Variants in CECR2 observed in about 807,000 individuals in gnomAD.
The protein encoded by CECR2 is chromatin remodeling regulator CECR2.
Under a neutral mutation model 154.5 loss-of-function variants are expected in CECR2, and 30 were observed. The observed-to-expected ratio is 0.19, with a 90% CI of 0.15 to 0.26. The LOEUF (loss-of-function observed/expected upper bound fraction) is 0.26, where lower values mean the gene tolerates loss of function less well. Among genes scored for constraint, CECR2 ranks in the 10% least tolerant of loss-of-function variants. The probability of loss-of-function intolerance (pLI) is 1.00; values close to 1 mark genes in which losing one functional copy is unlikely to be tolerated. For synonymous variants in CECR2, 725 were observed against 683.7 expected, an observed-to-expected ratio of 1.06 and a Z score of -0.94; for missense variants, 1,743 against 1,829.3, an observed-to-expected ratio of 0.95 and a Z score of 0.86.
At chr22:17,507,363 ATT>A (rs1459206467) in intron 7 of CECR2, among the ~76,000 whole-genome samples, 3 of 152,222 alleles carry the variant, frequency 2.0e-5, no homozygotes, top group African/African-American at 7.2e-5. Context: ...GTGATCAGCA[ATT>A]CACTGCAACA....
At chr22:17,547,269 G>A (rs1476172294) in intron 16 of CECR2, among the ~76,000 whole-genome samples, 2 of 150,294 alleles carry the variant, frequency 1.3e-5, no homozygotes, top group African/African-American at 2.4e-5. Context: ...TCACTCTGTC[G>A]CCCAGGCTGG....
At chr22:17,361,411 T>C (rs1442116070) in intron 1 of CECR2, among the ~76,000 whole-genome samples, 3 of 150,326 alleles carry the variant, frequency 2.0e-5, no homozygotes, top group Non-Finnish European at 4.4e-5. Context: ...GTTTGAACCC[T>C]GGAGGCGGAC....
At chr22:17,509,625 A>C (rs1028332074) in intron 7 of CECR2, among the ~76,000 whole-genome samples, 29 of 152,016 alleles carry the variant, frequency 1.9e-4, no homozygotes, top group African/African-American at 6.5e-4. Context: ...AGTGGGGTCC[A>C]TTTCAGTTTT....
intron 9 of CECR2, among the ~76,000 whole-genome samples, chr22:17,527,900 C>G (rs1254712717): frequency 6.6e-6 from 1 of 151,946 alleles, no homozygotes; most frequent in African/African-American, 2.4e-5. Context: ...ACCCAAAGGA[C>G]AGGCAATAAC....
chr22:17,522,275 ACTTTG>A (rs2056172188), intron 8 of CECR2, among the ~76,000 whole-genome samples: 1 of 152,168 alleles, frequency 6.6e-6, no homozygotes, highest in African/African-American at 2.4e-5. Flanking sequence ...GTTTTGTTTT[ACTTTG>A]CTTTGTTAAC....
chr22:17,478,545 T>C (rs2518761), intron 2 of CECR2, among the ~76,000 whole-genome samples: 38,388 of 151,762 alleles, frequency 0.25, 5,743 homozygotes, highest in Non-Finnish European at 0.35. Context: ...TTAGTGGAAA[T>C]GGGGTTTCAC....
Position 17,557,055 on chromosome 22 carries a change from G to T in CECR2, c.*4215G>T, listed in dbSNP as rs111463402. The stretch of plus-strand genomic sequence containing the variant: ...TTTCTTTTTTGGGTTGGACTCTGCC[G>T]TGCAGCCATAGGACACCAAGCCTCA... On this transcript the variant is annotated 3_prime_UTR_variant, in exon 19 of 19. Transcript: ENST00000262608. 2 of 152,082 alleles carry T rather than the reference G, an allele frequency of 1.3e-5. No homozygotes were observed. Among genetic ancestry groups the T allele is most frequent in the Admixed American group, 1.3e-4 (2 of 15,260 alleles). The allele number at this position is 152,082 out of a possible 1,614,324, so 9.4% of individuals were successfully genotyped here. A position where few individuals can be genotyped will look rare whatever the true frequency, so the allele number is the denominator to read the frequency against.
intron 1 of CECR2, among the ~76,000 whole-genome samples, chr22:17,458,397 GAGCAAGTCTCTGTCTCCAA>G (rs2054886271): frequency 6.7e-6 from 1 of 148,182 alleles, no homozygotes; most frequent in African/African-American, 2.5e-5. Context: ...CTGGGCGACA[GAGCAAGTCTCTGTCTCCAA>G]AAAAAAAAAA....
chr22:17,460,979 C>T (rs533222967), intron 1 of CECR2, among the ~76,000 whole-genome samples: 80 of 152,326 alleles, frequency 5.3e-4, no homozygotes, highest in Non-Finnish European at 1.1e-3. Context: ...GCCTTTAGTT[C>T]CATCCTGGAG....
chr22:17,544,224 C>T (rs1002048828), intron 16 of CECR2, among the ~76,000 whole-genome samples: 4 of 152,062 alleles, frequency 2.6e-5, no homozygotes, highest in Admixed American at 6.5e-5. Flanking sequence ...AATGGCCAGG[C>T]GCGGTGGCTG....
At chr22:17,514,050 TG>T (rs1048177473) in intron 8 of CECR2, among the ~76,000 whole-genome samples, 37 of 152,336 alleles carry the variant, frequency 2.4e-4, no homozygotes, top group African/African-American at 8.9e-4. Flanking sequence ...AAACCCTTAG[TG>T]GTGACATGAC....
intron 1 of CECR2, among the ~76,000 whole-genome samples, chr22:17,466,846 C>G (rs879533160): frequency 6.6e-6 from 1 of 152,324 alleles, no homozygotes; most frequent in East Asian, 1.9e-4. Flanking sequence ...CCCGCCCCGG[C>G]CTTCCAAAGT....
chr22:17,432,737 G>A (rs1360205406), intron 1 of CECR2, among the ~76,000 whole-genome samples: 1 of 152,156 alleles, frequency 6.6e-6, no homozygotes, highest in East Asian at 1.9e-4. Context: ...CTGAGCTCAA[G>A]CAACCCTCCT....
intron 1 of CECR2, among the ~76,000 whole-genome samples, chr22:17,413,715 C>T (rs139309586): frequency 0.017 from 2,521 of 151,854 alleles, 75 homozygotes; most frequent in African/African-American, 0.059. Context: ...CTTGCTCTGT[C>T]GCCCAGGCTG....
In CECR2 at chr22:17,554,760, A is replaced by G. The variant is rs974769876; in HGVS notation, c.*1920A>G. 6.6e-6 allele frequency: 1 copy of G among 152,240 alleles called. No individual in the cohort carries two copies. The highest frequency in any genetic ancestry group is 2.4e-5 in the African/African-American group (1 of 41,468). The allele number at this position is 152,240 out of a possible 1,614,324, so 9.4% of individuals were successfully genotyped here. A position where few individuals can be genotyped will look rare whatever the true frequency, so the allele number is the denominator to read the frequency against. On this transcript the variant is annotated 3_prime_UTR_variant, in exon 19 of 19. Transcript: ENST00000262608. Reference sequence around the variant, plus strand: ...TCACTGGATCCTAATTCTTGTTAGAAACCTATCACTGGCATAACCTGGTTT... The same window carrying G: ...TCACTGGATCCTAATTCTTGTTAGAGACCTATCACTGGCATAACCTGGTTT...
At position 17,556,562 on chromosome 22, in the gene CECR2, A is replaced by G. The variant is rs958019150; in HGVS notation, c.*3722A>G. 2 of 148,450 alleles carry G rather than the reference A, an allele frequency of 1.3e-5. No homozygotes were observed. The highest frequency in any genetic ancestry group is 3.0e-5 in the Non-Finnish European group (2 of 66,962). The allele number at this position is 148,450 out of a possible 1,614,324, so 9.2% of individuals were successfully genotyped here. ...TTTGCAATCCATACTTCTTGGTTCA[A>G]TTTTTTTTTTTAATGGACATTCAAA... On this transcript the variant is annotated 3_prime_UTR_variant, in exon 19 of 19. Transcript: ENST00000262608.
intron 9 of CECR2, among the ~76,000 whole-genome samples, chr22:17,530,003 G>T (rs933109278): frequency 1.3e-5 from 2 of 152,136 alleles, no homozygotes; most frequent in African/African-American, 4.8e-5. Context: ...ATTTTATTCT[G>T]CAGGTCCTTT....
At chr22:17,439,800 C>T (rs755491642) in intron 1 of CECR2, among the ~76,000 whole-genome samples, 6 of 152,092 alleles carry the variant, frequency 3.9e-5, no homozygotes, top group African/African-American at 7.2e-5. Context: ...GTCATTGCAG[C>T]GTGGTTCTGT....
intron 8 of CECR2, among the ~76,000 whole-genome samples, chr22:17,519,391 C>G (rs1435330474): frequency 6.6e-6 from 1 of 150,874 alleles, no homozygotes; most frequent in Non-Finnish European, 1.5e-5. Context: ...TCCCGAGTAG[C>G]TGGGACTACA....
Sources: allele counts gnomAD v4.1 joint callset (sites outside exome capture counted in the v4.1 genomes callset), GRCh38; gene constraint gnomAD v4.1.1; transcripts MANE v1.5; gene names NCBI Gene and HGNC (gene_info 2026-07-23, HGNC 2026-07-21).